STXBP5L: variants seen among roughly 807,000 people sequenced by gnomAD.
STXBP5L encodes the protein syntaxin-binding protein 5-like.
In STXBP5L, 65 loss-of-function variants were observed where a neutral mutation model predicts 144.5. The observed-to-expected ratio is 0.45, with a 90% CI of 0.37 to 0.55. STXBP5L has a LOEUF of 0.55. STXBP5L is among the 20% of genes least tolerant of loss of function. STXBP5L has a pLI of 0.00. For synonymous variants in STXBP5L, 505 were observed against 469.6 expected (o/e 1.08, Z -0.97); for missense variants, 1,298 against 1,405.5 (o/e 0.92, Z 1.22).
chr3:121,336,733 C>G (rs1014860880), intron 20 of STXBP5L, among the ~76,000 whole-genome samples: 1 of 152,110 alleles, frequency 6.6e-6, no homozygotes, highest in Non-Finnish European at 1.5e-5. Context: ...TAACATCTGA[C>G]TCAGCAATCC....
Position 121,121,676 on chromosome 3 carries a change from T to TA in STXBP5L, c.643dup (p.Ser215LysfsTer3), listed in dbSNP as rs1464740056. 6.2e-7 allele frequency: 1 copy of TA among 1,605,006 alleles called. No individual in the cohort carries two copies. Among genetic ancestry groups the TA allele is most frequent in the Non-Finnish European group, 8.5e-7 (1 of 1,173,580 alleles). ...ACTCATCCAGGTCCAGTTGTACATT[T>TA]AAGCGATAGCCCAAGAGATGAAGGC... On this transcript the variant is annotated frameshift_variant, in exon 7 of 27. Coordinates refer to ENST00000471454, the MANE Select transcript of STXBP5L (RefSeq NM_001308330.2). LOFTEE classifies it high-confidence loss of function.
At chr3:121,380,689 G>C (rs754805847) in intron 21 of STXBP5L, among the ~76,000 whole-genome samples, 1 of 152,092 alleles carries the variant, frequency 6.6e-6, no homozygotes, top group Non-Finnish European at 1.5e-5. Flanking sequence ...CCTAGGCAAA[G>C]TTAGGACTGC....
chr3:121,118,719 G>GTTT (rs2044333989), intron 6 of STXBP5L, among the ~76,000 whole-genome samples: 2 of 151,548 alleles, frequency 1.3e-5, no homozygotes, highest in African/African-American at 4.8e-5. Flanking sequence ...GGTGTTGTAG[G>GTTT]AGTGGAGATA....
rs2047337475 is a variant in STXBP5L at position 121,420,749 on chromosome 3, T to G, written c.*1652T>G. 1 of 152,194 alleles carries G rather than the reference T, an allele frequency of 6.6e-6. No homozygotes were observed. Among genetic ancestry groups the G allele is most frequent in the Non-Finnish European group, 1.5e-5 (1 of 68,034 alleles). The allele number at this position is 152,194 out of a possible 1,614,324, so 9.4% of individuals were successfully genotyped here. A position where few individuals can be genotyped will look rare whatever the true frequency, so the allele number is the denominator to read the frequency against. Reference sequence around the variant, plus strand: ...TTGTGTTTCTTAAGACTTCACAATTTTCCTGGATTTCAGGTTATTTTATTA... The same window carrying G: ...TTGTGTTTCTTAAGACTTCACAATTGTCCTGGATTTCAGGTTATTTTATTA... On this transcript the variant is annotated 3_prime_UTR_variant, in exon 27 of 27. Coordinates refer to ENST00000471454, the MANE Select transcript of STXBP5L (RefSeq NM_001308330.2).
chr3:120,963,286 G>T (rs1939098013), intron 3 of STXBP5L, among the ~76,000 whole-genome samples: 1 of 152,030 alleles, frequency 6.6e-6, no homozygotes, highest in Admixed American at 6.5e-5. Context: ...TTGTTTGATT[G>T]CCCTGGCCAG....
intron 22 of STXBP5L, among the ~76,000 whole-genome samples, chr3:121,401,176 C>A (rs949854684): frequency 8.5e-5 from 13 of 152,132 alleles, no homozygotes; most frequent in Non-Finnish European, 2.9e-5. Flanking sequence ...ATGCATTGCT[C>A]TGTTCATTTT....
Position 121,413,227 on chromosome 3 carries a change from AT to A in STXBP5L, c.3022del (p.Cys1008ValfsTer20). On this transcript the variant is annotated frameshift_variant, in exon 24 of 27. Transcript: ENST00000471454. LOFTEE classifies it high-confidence loss of function. ...TGACAGACATGAGGATAGCACGAAC[AT>A]TTTGTTTTACCAATGAAGGACAGGC... ...PLTDMRIART[F>X]CFTNEGQALY... The A allele has an allele frequency of 6.2e-7, 1 of 1,610,868 alleles. No homozygotes were observed. Among genetic ancestry groups the A allele is most frequent in the Non-Finnish European group, 8.5e-7 (1 of 1,179,088 alleles).
intron 3 of STXBP5L, among the ~76,000 whole-genome samples, chr3:121,026,597 C>T (rs1945961112): frequency 6.6e-6 from 1 of 151,856 alleles, no homozygotes; most frequent in Non-Finnish European, 1.5e-5. Flanking sequence ...AATGTAGTTT[C>T]AGAGAAAAGA....
chr3:121,115,483 T>G (rs574015960), intron 6 of STXBP5L, among the ~76,000 whole-genome samples: 13 of 152,176 alleles, frequency 8.5e-5, no homozygotes, highest in Non-Finnish European at 1.8e-4. Flanking sequence ...CTCAAATATC[T>G]TTTAGGTTAC....
At chr3:121,062,706 C>T (rs2041344402) in intron 5 of STXBP5L, among the ~76,000 whole-genome samples, 1 of 152,126 alleles carries the variant, frequency 6.6e-6, no homozygotes, top group South Asian at 2.1e-4. Context: ...TTGTTCATTC[C>T]TTTTCATTCT....
At chr3:120,989,390 TTGAG>T (rs1320835423) in intron 3 of STXBP5L, among the ~76,000 whole-genome samples, 1 of 152,178 alleles carries the variant, frequency 6.6e-6, no homozygotes. Context: ...ATTTGTGATA[TTGAG>T]TATCTTTTCA....
At chr3:121,273,836 A>AT (rs1352492554) in intron 18 of STXBP5L, among the ~76,000 whole-genome samples, 5 of 151,660 alleles carry the variant, frequency 3.3e-5, no homozygotes, top group Non-Finnish European at 5.9e-5. Context: ...TCTCTACTGC[A>AT]TTTTTTCTTT....
chr3:121,244,355 T>C (rs1009484931), intron 14 of STXBP5L, among the ~76,000 whole-genome samples: 3 of 151,758 alleles, frequency 2.0e-5, no homozygotes, highest in African/African-American at 2.4e-5. Context: ...CTTGAAATTA[T>C]TGAGTCAGAG....
chr3:121,306,604 A>G (rs932807654), intron 19 of STXBP5L, among the ~76,000 whole-genome samples: 8 of 152,182 alleles, frequency 5.3e-5, no homozygotes, highest in Non-Finnish European at 4.4e-5. Flanking sequence ...GACTAGCCTT[A>G]TATGAAACAG....
At chr3:121,107,027 G>A (rs759786429) in intron 5 of STXBP5L, among the ~76,000 whole-genome samples, 7 of 151,478 alleles carry the variant, frequency 4.6e-5, no homozygotes, top group East Asian at 3.9e-4. Flanking sequence ...TTTTTTGGAC[G>A]CATGGATGTT....
intron 20 of STXBP5L, among the ~76,000 whole-genome samples, chr3:121,352,166 G>A (rs1258496135): frequency 1.3e-5 from 2 of 152,058 alleles, no homozygotes; most frequent in Non-Finnish European, 1.5e-5. Flanking sequence ...TGGCAATGCA[G>A]GATCTTTTTT....
intron 3 of STXBP5L, among the ~76,000 whole-genome samples, chr3:121,031,879 G>A (rs1946393893): frequency 6.6e-6 from 1 of 152,086 alleles, no homozygotes; most frequent in East Asian, 1.9e-4. Flanking sequence ...ATTTGGAATA[G>A]AATAACAGAT....
chr3:121,046,441 C>A (rs1274129359), intron 5 of STXBP5L, among the ~76,000 whole-genome samples: 5 of 152,058 alleles, frequency 3.3e-5, no homozygotes, highest in Non-Finnish European at 7.4e-5. Context: ...ATGGTACAAG[C>A]TATTCTTTAT....
intron 16 of STXBP5L, among the ~76,000 whole-genome samples, chr3:121,256,432 A>T (rs1478931212): frequency 6.6e-6 from 1 of 152,038 alleles, no homozygotes; most frequent in Non-Finnish European, 1.5e-5. Flanking sequence ...AATGCATTTT[A>T]TGCATTCATA....
Sources: gnomAD v4.1 joint callset for allele counts (sites outside exome capture counted in the v4.1 genomes callset) on GRCh38, gnomAD v4.1.1 for gene constraint, MANE v1.5 for transcripts, NCBI Gene and HGNC (gene_info 2026-07-23, HGNC 2026-07-21) for gene names.